The following LDB3 variants were observed in gnomAD, a reference collection of about 807,000 sequenced individuals.
The protein encoded by LDB3 is LIM domain-binding protein 3.
In LDB3, 49 loss-of-function variants were observed where a neutral mutation model predicts 69.0. That is an observed-to-expected ratio of 0.71 (90% confidence interval 0.56 to 0.90). The LOEUF is 0.90. Ranked by LOEUF, LDB3 falls within the 40% of genes least tolerant of loss-of-function variation. LDB3 has a pLI of 0.00. For synonymous variants in LDB3, 387 were observed against 396.2 expected, an observed-to-expected ratio of 0.98 and a Z score of 0.28; for missense variants, 928 against 974.1, an observed-to-expected ratio of 0.95 and a Z score of 0.63.
chr10:86,690,225 C>A (rs891159242), intron 5 of LDB3, among the ~76,000 whole-genome samples: 1 of 152,226 alleles, frequency 6.6e-6, no homozygotes, highest in Non-Finnish European at 1.5e-5. Context: ...ACAGTTCACA[C>A]TCCCTCCTTC....
In LDB3 at chr10:86,697,215, C is replaced by CTTT. The variant is rs34215720; in HGVS notation, c.896+4666_896+4668dup. ...CTGATTTTTATATGCTAGCAATTCA[C>CTTT]TTTTTTTTTTTTTTTTTTTTTTTTG... On this transcript the variant is annotated intron_variant, in intron 7 of 13. Transcript: ENST00000361373. Among the ~76,000 whole-genome samples the CTTT allele has an allele frequency of 6.8e-3, 526 of 77,820 alleles. 21 individuals carry two copies. The highest frequency in any genetic ancestry group is 0.021 in the African/African-American group (395 of 19,202). The allele number at this position is 77,820 out of a possible 152,430, so 51.1% of individuals were successfully genotyped here. A position where few individuals can be genotyped will look rare whatever the true frequency, so the allele number is the denominator to read the frequency against.
chr10:86,699,179 C>G lies in LDB3; in HGVS notation c.896+6608C>G. On this transcript the variant is annotated intron_variant, in intron 7 of 13. Coordinates refer to ENST00000361373, the MANE Select transcript of LDB3 (RefSeq NM_007078.3). The surrounding 1 kb of genome is among the most constrained non-coding windows in gnomAD (Gnocchi z 4.9). ...ACCTGTTAGACAGGGGAATGGTGAA[C>G]ACATTCCCTAACCCCTTTCATTCTC... 7.1e-7 allele frequency: 1 copy of G among 1,400,190 alleles called. No homozygotes were observed. Among genetic ancestry groups the G allele is most frequent in the Non-Finnish European group, 1.0e-6 (1 of 993,328 alleles). The allele number at this position is 1,400,190 out of a possible 1,614,324, so 86.7% of individuals were successfully genotyped here. A position where few individuals can be genotyped will look rare whatever the true frequency, so the allele number is the denominator to read the frequency against.
intron 10 of LDB3, among the ~76,000 whole-genome samples, chr10:86,717,321 C>T (rs144754804): frequency 3.9e-5 from 6 of 152,252 alleles, no homozygotes; most frequent in African/African-American, 1.4e-4. Context: ...GAAAAATACA[C>T]TTTTATTTAA....
chr10:86,674,742 G>A (rs920485868), intron 2 of LDB3, among the ~76,000 whole-genome samples: 18 of 152,190 alleles, frequency 1.2e-4, no homozygotes, highest in African/African-American at 3.6e-4. Context: ...GGTGCTTTGG[G>A]CCCTTTCTGA....
chr10:86,690,600 C>T (rs1845710176), intron 5 of LDB3, among the ~76,000 whole-genome samples: 1 of 152,242 alleles, frequency 6.6e-6, no homozygotes, highest in Admixed American at 6.5e-5. Flanking sequence ...AGGGACCAGT[C>T]CTGGGACACA....
Position 86,712,163 on chromosome 10 carries a change from G to A in LDB3, c.1231+2113G>A, listed in dbSNP as rs573440623. Among the ~76,000 whole-genome samples, 832 of 152,170 alleles carry A rather than the reference G, an allele frequency of 5.5e-3. 6 individuals carry two copies. Among genetic ancestry groups the A allele is most frequent in the Middle Eastern group, 0.027 (8 of 294 alleles). On this transcript the variant is annotated intron_variant, in intron 9 of 13. Transcript: ENST00000361373. The stretch of plus-strand genomic sequence containing the variant: ...GACGGGGGAACGGAGCTGCCGGGCC[G>A]GGCCACCGAGGCCGGGGAGGTTCCT...
chr10:86,703,976 T>C (rs1162985475), intron 7 of LDB3, among the ~76,000 whole-genome samples: 2 of 151,966 alleles, frequency 1.3e-5, no homozygotes, highest in Admixed American at 6.6e-5. Context: ...TAGCCAGGCA[T>C]GGTGGCTCAT....
In LDB3 at chr10:86,735,490, C is replaced by T. The variant is rs1283523630; in HGVS notation, c.*2514C>T. ...CTCCTCATTGTTGACATTAATTAAA[C>T]ATTTATAGGCCAGGCACAGTGGCTC... On this transcript the variant is annotated 3_prime_UTR_variant, in exon 14 of 14. Transcript: ENST00000361373. 2 of 152,076 alleles carry T rather than the reference C, an allele frequency of 1.3e-5. No homozygotes were observed. Among genetic ancestry groups the T allele is most frequent in the Non-Finnish European group, 2.9e-5 (2 of 68,008 alleles). The allele number at this position is 152,076 out of a possible 1,614,324, so 9.4% of individuals were successfully genotyped here. A position where few individuals can be genotyped will look rare whatever the true frequency, so the allele number is the denominator to read the frequency against.
intron 5 of LDB3, among the ~76,000 whole-genome samples, chr10:86,690,122 A>C (rs1845688692): frequency 6.6e-6 from 1 of 152,186 alleles, no homozygotes; most frequent in South Asian, 2.1e-4. Flanking sequence ...TTCCAGGGAA[A>C]CAGCAGCAAA....
At chr10:86,718,685 C>G (rs750626745) in intron 11 of LDB3, 42 bp from the exon 12 acceptor site, 2 of 1,614,000 alleles carry the variant, frequency 1.2e-6, no homozygotes, top group South Asian at 2.2e-5. Context: ...CAAGCCCGCT[C>G]CCTCTCTCCT....
chr10:86,687,223 A>T (rs1222097794), intron 5 of LDB3: 1 of 1,614,068 alleles, frequency 6.2e-7, no homozygotes, highest in Non-Finnish European at 8.5e-7. Context: ...GGATGCCATC[A>T]TGGATGCCAT....
intron 11 of LDB3, 81 bp downstream of exon 11, chr10:86,718,225 C>G: frequency 7.4e-7 from 1 of 1,360,538 alleles, no homozygotes; most frequent in Non-Finnish European, 1.1e-6. Flanking sequence ...CATTAGGAAG[C>G]CAAGAAGTTG....
At chr10:86,679,257 A>C (rs896227485) in intron 2 of LDB3, 110 bp from the exon 3 acceptor site, 71 of 1,394,300 alleles carry the variant, frequency 5.1e-5, no homozygotes, top group Non-Finnish European at 6.8e-5. Flanking sequence ...CGAATGAAAA[A>C]CACAATGACG....
chr10:86,674,476 T>C (rs1400066499), intron 2 of LDB3, among the ~76,000 whole-genome samples: 1 of 152,134 alleles, frequency 6.6e-6, no homozygotes, highest in Admixed American at 6.5e-5. Context: ...GAAGGGCTCC[T>C]GGGGGCAGGG....
intron 5 of LDB3, among the ~76,000 whole-genome samples, chr10:86,682,934 C>T (rs1845244945): frequency 6.7e-6 from 1 of 150,092 alleles, no homozygotes; most frequent in African/African-American, 2.5e-5. Context: ...TGGCCCTCAG[C>T]TTCCCCACCC....
chr10:86,685,712 A>C, intron 5 of LDB3: 1 of 1,614,138 alleles, frequency 6.2e-7, no homozygotes, highest in South Asian at 1.1e-5. Context: ...TTAGTATCAA[A>C]GGACAGCATG....
At chr10:86,698,406 G>C (rs918605826) in intron 7 of LDB3, among the ~76,000 whole-genome samples, 3 of 152,246 alleles carry the variant, frequency 2.0e-5, no homozygotes, top group African/African-American at 7.2e-5. Flanking sequence ...CCACCAGTGG[G>C]CACCTCTGGT....
chr10:86,710,405 C>T, intron 9 of LDB3: 1 of 251,612 alleles, frequency 4.0e-6, no homozygotes, highest in Non-Finnish European at 6.3e-6. Context: ...CCGGGGCCAA[C>T]ATGGCGAAAC....
intron 7 of LDB3, among the ~76,000 whole-genome samples, chr10:86,701,279 G>C (rs1846254480): frequency 6.6e-6 from 1 of 152,222 alleles, no homozygotes; most frequent in Non-Finnish European, 1.5e-5. Context: ...CTGCCAGATA[G>C]AGAGAGGTCC....
Sources: gnomAD v4.1 joint callset for allele counts (sites outside exome capture counted in the v4.1 genomes callset) on GRCh38, gnomAD v4.1.1 for gene constraint, Gnocchi (gnomAD v3.1) non-coding constraint, MANE v1.5 for transcripts, NCBI Gene and HGNC (gene_info 2026-07-23, HGNC 2026-07-21) for gene names.